Variants in POU3F3 observed in about 807,000 individuals in gnomAD.
The protein encoded by POU3F3 is POU domain, class 3, transcription factor 3.
A neutral mutation model predicts 8.6 loss-of-function variants in POU3F3; 1 was observed. The ratio of observed to expected loss-of-function variants is 0.12; its 90% CI spans 0.04 to 0.55. The LOEUF is 0.55. Ranked by LOEUF, POU3F3 falls within the 20% of genes least tolerant of loss-of-function variation. The probability of loss-of-function intolerance (pLI) is 0.91; values close to 1 mark genes in which losing one functional copy is unlikely to be tolerated. For synonymous variants in POU3F3, 418 were observed against 327.4 expected (o/e 1.28, Z -2.99); for missense variants, 577 against 690.7 (o/e 0.84, Z 1.84).
the POU3F3 span, among the ~76,000 whole-genome samples, chr2:104,876,864 G>A: frequency 2.0e-5 from 3 of 152,152 alleles, no homozygotes; most frequent in African/African-American, 7.2e-5. Flanking sequence ...TTGCTGAACC[G>A]CTAGAGCTCT....
At chr2:104,880,198 C>G in the POU3F3 span, among the ~76,000 whole-genome samples, 3 of 152,298 alleles carry the variant, frequency 2.0e-5, no homozygotes, top group South Asian at 2.1e-4. Context: ...CTCCGCCCCC[C>G]ACCACATAGA....
At chr2:104,913,381 GT>G in the POU3F3 span, among the ~76,000 whole-genome samples, 2 of 152,116 alleles carry the variant, frequency 1.3e-5, no homozygotes, top group African/African-American at 4.8e-5. Context: ...CATGGACATG[GT>G]TTTCTCCCTC....
At chr2:104,877,520 A>G in the POU3F3 span, among the ~76,000 whole-genome samples, 1 of 152,168 alleles carries the variant, frequency 6.6e-6, no homozygotes, top group Non-Finnish European at 1.5e-5. Flanking sequence ...ACACAGCTCC[A>G]TTCTAGTCAC....
the POU3F3 span, among the ~76,000 whole-genome samples, chr2:104,886,219 C>G: frequency 6.6e-6 from 1 of 152,054 alleles, no homozygotes; most frequent in African/African-American, 2.4e-5. Flanking sequence ...TTTCCAGTAA[C>G]ACAGTCATGT....
the POU3F3 span, among the ~76,000 whole-genome samples, chr2:104,889,372 G>T: frequency 9.9e-5 from 15 of 152,148 alleles, no homozygotes; most frequent in East Asian, 5.8e-4. Flanking sequence ...TGAATGCCAG[G>T]TTCCACCCAG....
Position 104,856,536 on chromosome 2 carries a change from C to T in POU3F3, c.1026C>T (p.Asp342=), listed in dbSNP as rs1676571487. 6.2e-7 allele frequency: 1 copy of T among 1,613,978 alleles called. No homozygotes were observed. Among genetic ancestry groups the T allele is most frequent in the African/African-American group, 1.3e-5 (1 of 74,928 alleles). ...TCAAGCTGGGCTTCACGCAGGCCGA[C>T]GTGGGGTTGGCGCTGGGCACACTCT... ...RRIKLGFTQA[D]VGLALGTLYG... Residue 342 remains aspartate, a synonymous_variant, in exon 1 of 1, where the codon GAC becomes GAT. Transcript: ENST00000361360.
chr2:104,856,974 G>C lies in POU3F3; in HGVS notation c.1464G>C (p.Thr488=), dbSNP rs768025847. 6.2e-7 allele frequency: 1 copy of C among 1,610,226 alleles called. No individual in the cohort carries two copies. Among genetic ancestry groups the C allele is most frequent in the Non-Finnish European group, 8.5e-7 (1 of 1,179,050 alleles). ...YSQVGTVSAD[T]PPPHHGLQTS... ...AGGTGGGCACCGTGAGCGCCGACAC[G>C]CCGCCGCCTCACCACGGGCTGCAGA... Residue 488 remains threonine, a synonymous_variant, in exon 1 of 1, where the codon ACG becomes ACC. Coordinates refer to ENST00000361360, the MANE Select transcript of POU3F3 (RefSeq NM_006236.3).
chr2:104,881,657 G>A, the POU3F3 span, among the ~76,000 whole-genome samples: 3 of 152,166 alleles, frequency 2.0e-5, no homozygotes, highest in African/African-American at 4.8e-5. Context: ...ATAGACATAG[G>A]TGTATCTATA....
chr2:104,908,734 T>G, the POU3F3 span, among the ~76,000 whole-genome samples: 1 of 152,200 alleles, frequency 6.6e-6, no homozygotes, highest in Non-Finnish European at 1.5e-5. Flanking sequence ...CAGTAATGAT[T>G]TTCCAATGGT....
the POU3F3 span, among the ~76,000 whole-genome samples, chr2:104,900,576 C>T: frequency 1.3e-5 from 2 of 152,194 alleles, no homozygotes; most frequent in African/African-American, 4.8e-5. Context: ...ACAATAAAAT[C>T]TCATCTTCCC....
chr2:104,923,111 A>G, the POU3F3 span, among the ~76,000 whole-genome samples: 6 of 152,320 alleles, frequency 3.9e-5, no homozygotes, highest in East Asian at 9.7e-4. Flanking sequence ...TAAGGAATTC[A>G]TTACCACTAG....
downstream of POU3F3, among the ~76,000 whole-genome samples, chr2:104,860,786 C>G: frequency 2.2e-5 from 1 of 45,168 alleles, no homozygotes; most frequent in Non-Finnish European, 4.1e-5. Context: ...TTTTTTAGTA[C>G]TTAGCCAAGG....
At chr2:104,921,334 G>A in the POU3F3 span, among the ~76,000 whole-genome samples, 1 of 152,142 alleles carries the variant, frequency 6.6e-6, no homozygotes, top group African/African-American at 2.4e-5. Context: ...GAAGCCCCAG[G>A]AATCTGTCTC....
the POU3F3 span, among the ~76,000 whole-genome samples, chr2:104,869,604 G>A: frequency 1.3e-5 from 2 of 152,290 alleles, no homozygotes; most frequent in South Asian, 2.1e-4. Flanking sequence ...ACTCCCTGTA[G>A]GACAGCTGGA....
the POU3F3 span, among the ~76,000 whole-genome samples, chr2:104,890,358 G>A: frequency 6.6e-6 from 1 of 151,812 alleles, no homozygotes; most frequent in Non-Finnish European, 1.5e-5. Context: ...CTAGGTGTCC[G>A]CGAGCCTGAT....
the POU3F3 span, among the ~76,000 whole-genome samples, chr2:104,878,424 C>T: frequency 2.1e-3 from 322 of 152,262 alleles, 2 homozygotes; most frequent in African/African-American, 7.3e-3. Context: ...TCTACCTGCA[C>T]GTACTACAGT....
chr2:104,857,117 TGCCGCC>T lies in POU3F3; in HGVS notation c.*110_*115del. The T allele has an allele frequency of 1.1e-6, 1 of 952,270 alleles. No individual in the cohort carries two copies. Among genetic ancestry groups the T allele is most frequent in the African/African-American group, 1.8e-5 (1 of 54,868 alleles). The allele number at this position is 952,270 out of a possible 1,614,324, so 59.0% of individuals were successfully genotyped here. ...CCGCCGCCGCCGCCGCCGCCGCCGCTGCCGCCGCCGCGCCGACCCTGCACCTGGGCC... is the reference window on the plus strand; with the variant it reads ...CCGCCGCCGCCGCCGCCGCCGCCGCTGCCGCGCCGACCCTGCACCTGGGCC... On this transcript the variant is annotated 3_prime_UTR_variant, in exon 1 of 1. Transcript: ENST00000361360.
At chr2:104,906,954 A>G in the POU3F3 span, among the ~76,000 whole-genome samples, 4 of 152,056 alleles carry the variant, frequency 2.6e-5, no homozygotes, top group Admixed American at 1.3e-4. Flanking sequence ...ACTTTCAACA[A>G]TCTATTTCTG....
chr2:104,906,968 ATCTG>A, the POU3F3 span, among the ~76,000 whole-genome samples: 3 of 152,036 alleles, frequency 2.0e-5, no homozygotes, highest in Non-Finnish European at 1.5e-5. Flanking sequence ...ATTTCTGCGT[ATCTG>A]TCGGGGTTGG....
Sources: allele counts gnomAD v4.1 joint callset (sites outside exome capture counted in the v4.1 genomes callset), GRCh38; gene constraint gnomAD v4.1.1; transcripts MANE v1.5; gene names NCBI Gene and HGNC (gene_info 2026-07-23, HGNC 2026-07-21).